The following ZKSCAN1 variants were observed in gnomAD, a reference collection of about 807,000 sequenced individuals.
The protein encoded by ZKSCAN1 is zinc finger with KRAB and SCAN domains 1.
Under a neutral mutation model 51.6 loss-of-function variants are expected in ZKSCAN1, and 14 were observed. The ratio of observed to expected loss-of-function variants is 0.27; its 90% CI spans 0.18 to 0.42. ZKSCAN1 has a LOEUF of 0.42. Ranked by LOEUF, ZKSCAN1 falls within the 10% of genes least tolerant of loss-of-function variation. The probability of loss-of-function intolerance (pLI) is 1.00; values close to 1 mark genes in which losing one functional copy is unlikely to be tolerated. For synonymous variants in ZKSCAN1, 263 were observed against 261.5 expected (o/e 1.01, Z -0.06); for missense variants, 531 against 710.0 (o/e 0.75, Z 2.86).
Position 100,035,695 on chromosome 7 carries a change from C to A in ZKSCAN1, c.*1498C>A. On this transcript the variant is annotated 3_prime_UTR_variant, in exon 6 of 6. Transcript: ENST00000324306. ...AACTCAGCAGTGTACTGAGATGTGG[C>A]TGGCTGTGCCATCGTCATAGTGCAC... is the stretch of plus-strand genomic sequence containing the variant. 4.3e-6 allele frequency: 1 copy of A among 234,334 alleles called. No homozygotes were observed. Among genetic ancestry groups the A allele is most frequent in the Non-Finnish European group, 7.0e-6 (1 of 143,126 alleles). 14.5% of individuals were successfully genotyped at this position (234,334 alleles called of 1,614,324 possible).
rs776636527 is a variant in ZKSCAN1 at position 100,030,374 on chromosome 7, G to T, written c.798G>T (p.Gln266His). 1 of 1,613,140 alleles carries T rather than the reference G, an allele frequency of 6.2e-7. No homozygotes were observed. Among genetic ancestry groups the T allele is most frequent in the South Asian group, 1.1e-5 (1 of 90,930 alleles). The change falls in exon 5 of 6, where the codon CAG (glutamine) becomes CAT (histidine). Residue 266 changes from glutamine (Q) to histidine (H), a missense_variant and splice_region_variant. Around this residue, in one of 2 missense-constraint regions of ZKSCAN1, gnomAD observed 403 missense variants for 490.5 expected, o/e 0.82. Transcript: ENST00000324306. ...AGAATTATGGGAGCGCATTTCCCCA[G>T]GGTAAGACGGATGCAGGCTTACTGT... The part of the protein sequence containing the change: ...RQENYGSAFP[Q>H]GGENRNENEE...
Position 100,040,641 on chromosome 7 carries a change from G to C in ZKSCAN1, c.*6444G>C. On this transcript the variant is annotated 3_prime_UTR_variant, in exon 6 of 6. Coordinates refer to ENST00000324306, the MANE Select transcript of ZKSCAN1 (RefSeq NM_003439.4). ...AAGTCTTCCAGCAAGGTTAAGTGCA[G>C]TATGGAAGGAGAAGGGGGAAGAGGA... The C allele has an allele frequency of 2.0e-6, 2 of 985,500 alleles. No individual in the cohort carries two copies. The highest frequency in any genetic ancestry group is 2.4e-6 in the Non-Finnish European group (2 of 829,976). 61.0% of individuals were successfully genotyped at this position (985,500 alleles called of 1,614,324 possible). A position where few individuals can be genotyped will look rare whatever the true frequency, so the allele number is the denominator to read the frequency against.
In ZKSCAN1 at chr7:100,039,162, A is replaced by T. The variant is rs1791490233; in HGVS notation, c.*4965A>T. On this transcript the variant is annotated 3_prime_UTR_variant, in exon 6 of 6. Transcript: ENST00000324306. The stretch of plus-strand genomic sequence containing the variant: ...GCCTGTCTCTACTAAAAATACAAAA[A>T]TTAGCCGGGCGTGGTGGTGGGCGCC... 4.3e-6 allele frequency: 1 copy of T among 231,976 alleles called. No homozygotes were observed. Among genetic ancestry groups the T allele is most frequent in the African/African-American group, 2.4e-5 (1 of 40,900 alleles). 14.4% of individuals were successfully genotyped at this position (231,976 alleles called of 1,614,324 possible).
chr7:100,028,159 C>T (rs1790925579), intron 3 of ZKSCAN1, among the ~76,000 whole-genome samples: 1 of 151,988 alleles, frequency 6.6e-6, no homozygotes, highest in East Asian at 1.9e-4. Flanking sequence ...TCGAGATCAT[C>T]CTGGCCAACA....
rs930811344 is a variant in ZKSCAN1 at position 100,040,511 on chromosome 7, A to G, written c.*6314A>G. 1.0e-6 allele frequency: 1 copy of G among 985,432 alleles called. No individual in the cohort carries two copies. The highest frequency in any genetic ancestry group is 1.2e-6 in the Non-Finnish European group (1 of 829,938). The allele number at this position is 985,432 out of a possible 1,614,324, so 61.0% of individuals were successfully genotyped here. On this transcript the variant is annotated 3_prime_UTR_variant, in exon 6 of 6. Coordinates refer to ENST00000324306, the MANE Select transcript of ZKSCAN1 (RefSeq NM_003439.4). Reference sequence around the variant, plus strand: ...GAGATCTGTGAGTGATTGAAAGGTGATATTTAAAAACTTGGATTTCATTCC... The same window carrying G: ...GAGATCTGTGAGTGATTGAAAGGTGGTATTTAAAAACTTGGATTTCATTCC...
chr7:100,017,750 A>AC (rs1016697446), intron 1 of ZKSCAN1, among the ~76,000 whole-genome samples: 1 of 152,206 alleles, frequency 6.6e-6, no homozygotes, highest in African/African-American at 2.4e-5. Flanking sequence ...ACTATCTGGA[A>AC]CCCCCACCCT....
At position 100,031,103 on chromosome 7, in the gene ZKSCAN1, G is replaced by A. The variant is rs565762454; in HGVS notation, c.799+728G>A. Among the ~76,000 whole-genome samples the A allele has an allele frequency of 5.3e-5, 8 of 152,232 alleles. No individual in the cohort carries two copies. In the South Asian group the frequency reaches 1.7e-3, roughly 32 times the overall value. On this transcript the variant is annotated intron_variant, in intron 5 of 5. Transcript: ENST00000324306. ...CAGTGCTGCAAAGAAGCCCTCACGTGAGTACAGCAATAGGGAGGTCCACAG... is the reference window on the plus strand; with the variant it reads ...CAGTGCTGCAAAGAAGCCCTCACGTAAGTACAGCAATAGGGAGGTCCACAG...
At chr7:100,022,478 A>T (rs555491982) in intron 1 of ZKSCAN1, among the ~76,000 whole-genome samples, 1 of 152,220 alleles carries the variant, frequency 6.6e-6, no homozygotes, top group Non-Finnish European at 1.5e-5. Context: ...TATTAGTGTC[A>T]ATTTATAGCT....
In ZKSCAN1 at chr7:100,041,304, G is replaced by A; in HGVS notation, c.*7107G>A. ...AGGTTCCGAAGAGTCCAGATGCTTG[G>A]TAGATGTTCAATACGTGATTTTTTT... is the stretch of plus-strand genomic sequence containing the variant. On this transcript the variant is annotated 3_prime_UTR_variant, in exon 6 of 6. Transcript: ENST00000324306. The A allele has an allele frequency of 1.0e-6, 1 of 985,012 alleles. No homozygotes were observed. Among genetic ancestry groups the A allele is most frequent in the African/African-American group, 1.7e-5 (1 of 57,316 alleles). The allele number at this position is 985,012 out of a possible 1,614,324, so 61.0% of individuals were successfully genotyped here.
Position 100,030,358 on chromosome 7 carries a change from G to C in ZKSCAN1, c.782G>C (p.Gly261Ala). ...LSRDNRQENYGSAFPQGGENR... is the reference protein window; with the variant it reads ...LSRDNRQENYASAFPQGGENR... ...AGGGACAACAGGCAGGAGAATTATG[G>C]GAGCGCATTTCCCCAGGGTAAGACG... Residue 261 changes from glycine (G) to alanine (A), a missense_variant, in exon 5 of 6, where the codon GGG (glycine) becomes GCG (alanine). Gly to Ala is a moderately conservative substitution (Grantham distance 60). Transcript: ENST00000324306. 1 of 1,613,928 alleles carries C rather than the reference G, an allele frequency of 6.2e-7. No individual in the cohort carries two copies.
At chr7:100,017,313 C>T (rs549777653) in intron 1 of ZKSCAN1, among the ~76,000 whole-genome samples, 1 of 152,174 alleles carries the variant, frequency 6.6e-6, no homozygotes, top group Admixed American at 6.5e-5. Context: ...ACCTCTGCCT[C>T]CCGAGTTCAA....
chr7:100,034,689 G>C lies in ZKSCAN1; in HGVS notation c.*492G>C, dbSNP rs1232242950. 5.0e-6 allele frequency: 2 copies of C among 399,034 alleles called. No individual in the cohort carries two copies. The highest frequency in any genetic ancestry group is 6.8e-6 in the Non-Finnish European group (2 of 292,602). The allele number at this position is 399,034 out of a possible 1,614,324, so 24.7% of individuals were successfully genotyped here. A position where few individuals can be genotyped will look rare whatever the true frequency, so the allele number is the denominator to read the frequency against. On this transcript the variant is annotated 3_prime_UTR_variant, in exon 6 of 6. Transcript: ENST00000324306. ...ACATTGGGACATGCTGCTCAAGGTA[G>C]TTATATATACGATAAGTTGTATATA...
chr7:100,027,527 G>T (rs1463996258), intron 3 of ZKSCAN1, among the ~76,000 whole-genome samples: 1 of 151,778 alleles, frequency 6.6e-6, no homozygotes, highest in Non-Finnish European at 1.5e-5. Context: ...GAGGCAGGAG[G>T]ATCACAAGGT....
chr7:100,023,155 C>A (rs554442163), intron 1 of ZKSCAN1, among the ~76,000 whole-genome samples: 1 of 152,054 alleles, frequency 6.6e-6, no homozygotes, highest in Non-Finnish European at 1.5e-5. Flanking sequence ...GGATTACAGG[C>A]GCCTGCCACC....
At chr7:100,019,426 G>A (rs979068922) in intron 1 of ZKSCAN1, 4 of 152,080 alleles carry the variant, frequency 2.6e-5, no homozygotes, top group African/African-American at 4.8e-5. Flanking sequence ...GGCTGGTCCC[G>A]AGCTCCTCAG....
chr7:100,018,080 A>G (rs372459555), intron 1 of ZKSCAN1, among the ~76,000 whole-genome samples: 4 of 152,280 alleles, frequency 2.6e-5, no homozygotes, highest in East Asian at 1.9e-4. Flanking sequence ...TTTTATTCCC[A>G]TTATACAGAT....
Position 100,037,619 on chromosome 7 carries a change from T to C in ZKSCAN1, c.*3422T>C. 1.0e-6 allele frequency: 1 copy of C among 985,468 alleles called. No individual in the cohort carries two copies. The allele number at this position is 985,468 out of a possible 1,614,324, so 61.0% of individuals were successfully genotyped here. A position where few individuals can be genotyped will look rare whatever the true frequency, so the allele number is the denominator to read the frequency against. On this transcript the variant is annotated 3_prime_UTR_variant, in exon 6 of 6. Transcript: ENST00000324306. ...TACTGTAAATAAACTTGATGAATATTATATGTGAGGAAAACTTTCATGTAT... is the reference window on the plus strand; with the variant it reads ...TACTGTAAATAAACTTGATGAATATCATATGTGAGGAAAACTTTCATGTAT...
rs556434770 is a variant in ZKSCAN1 at position 100,023,113 on chromosome 7, C to T, written c.-88-306C>T. Among the ~76,000 whole-genome samples, 5 of 152,208 alleles carry T rather than the reference C, an allele frequency of 3.3e-5. No homozygotes were observed. In the East Asian group the frequency reaches 9.7e-4, roughly 29 times the overall value. Reference sequence around the variant, plus strand: ...ACAACCTCCACCTCCTGGGTTCAAGCGTTTCTCCTGCCTCAGCTTTCCGAG... The same window carrying T: ...ACAACCTCCACCTCCTGGGTTCAAGTGTTTCTCCTGCCTCAGCTTTCCGAG... On this transcript the variant is annotated intron_variant, in intron 1 of 5. Coordinates refer to ENST00000324306, the MANE Select transcript of ZKSCAN1 (RefSeq NM_003439.4).
intron 1 of ZKSCAN1, among the ~76,000 whole-genome samples, chr7:100,020,211 CAGAG>C (rs1790537287): frequency 6.6e-6 from 1 of 152,120 alleles, no homozygotes; most frequent in Non-Finnish European, 1.5e-5. Context: ...TTTGAAAAGG[CAGAG>C]AGGACTGCGG....
Sources: gnomAD v4.1 joint callset for allele counts (sites outside exome capture counted in the v4.1 genomes callset) on GRCh38, gnomAD v4.1.1 for gene constraint, gnomAD v4.1.1 regional missense constraint, MANE v1.5 for transcripts, NCBI Gene and HGNC (gene_info 2026-07-23, HGNC 2026-07-21) for gene names.